Variants in ZWILCH observed in about 807,000 individuals in gnomAD.
ZWILCH encodes the protein zwilch kinetochore protein.
ZWILCH carries 74 observed loss-of-function variants against 79.9 expected under a neutral mutation model. That is an observed-to-expected ratio of 0.93 (90% confidence interval 0.77 to 1.12). ZWILCH has a LOEUF of 1.12. ZWILCH is among the 50% of genes most tolerant of loss of function. ZWILCH has a pLI of 0.00. For missense variants in ZWILCH, 694 were observed against 687.5 expected (o/e 1.01, Z -0.11); for synonymous variants, 241 against 228.2 (o/e 1.06, Z -0.51).
intron 7 of ZWILCH, among the ~76,000 whole-genome samples, chr15:66,522,285 A>C (rs922945962): frequency 1.3e-5 from 2 of 152,076 alleles, no homozygotes; most frequent in Non-Finnish European, 2.9e-5. Context: ...AATACTATAA[A>C]CAAAACTGGA....
chr15:66,506,913 G>A (rs142107227), intron 1 of ZWILCH, among the ~76,000 whole-genome samples: 1,945 of 150,968 alleles, frequency 0.013, 35 homozygotes, highest in African/African-American at 0.045. Flanking sequence ...CTGGAGTGCA[G>A]TGGTGCGATT....
At chr15:66,529,699 G>A (rs75519245) in intron 12 of ZWILCH, 126 bp downstream of exon 12, 13 of 669,086 alleles carry the variant, frequency 1.9e-5, no homozygotes, top group African/African-American at 1.1e-4. Context: ...TGTAAAGTTC[G>A]GCAGGTTCCT....
At chr15:66,528,182 C>T (rs576720372) in intron 10 of ZWILCH, among the ~76,000 whole-genome samples, 2 of 152,336 alleles carry the variant, frequency 1.3e-5, no homozygotes, top group South Asian at 4.1e-4. Context: ...TGGCTCACTG[C>T]AGCTTTGACC....
chr15:66,520,020 G>A (rs1276952693), intron 5 of ZWILCH, among the ~76,000 whole-genome samples: 1 of 152,062 alleles, frequency 6.6e-6, no homozygotes, highest in Non-Finnish European at 1.5e-5. Context: ...GTATTGCCCA[G>A]GCTGGTCTCA....
intron 2 of ZWILCH, among the ~76,000 whole-genome samples, chr15:66,511,252 G>C (rs755195173): frequency 6.6e-6 from 1 of 152,130 alleles, no homozygotes; most frequent in Non-Finnish European, 1.5e-5. Flanking sequence ...TTGGGAGGCT[G>C]GGGTGGGAGG....
chr15:66,522,442 G>A (rs925443362), intron 7 of ZWILCH, among the ~76,000 whole-genome samples: 1 of 149,828 alleles, frequency 6.7e-6, no homozygotes, highest in Non-Finnish European at 1.5e-5. Context: ...GGTTCAAGCA[G>A]TTCTCCTGCC....
intron 8 of ZWILCH, chr15:66,524,456 A>G (rs1426133222): frequency 6.6e-6 from 1 of 152,154 alleles, no homozygotes; most frequent in Non-Finnish European, 1.5e-5. Flanking sequence ...TCATCATACC[A>G]AGCTCCTTGC....
intron 17 of ZWILCH, among the ~76,000 whole-genome samples, chr15:66,546,296 C>T (rs890910675): frequency 2.0e-5 from 3 of 151,974 alleles, no homozygotes; most frequent in African/African-American, 7.3e-5. Flanking sequence ...AGTTGTGTAA[C>T]CCTAGTTAAT....
Position 66,532,268 on chromosome 15 carries a change from T to C in ZWILCH, c.1177T>C (p.Leu393=). 1 of 1,600,280 alleles carries C rather than the reference T, an allele frequency of 6.2e-7. No homozygotes were observed. ...QPWLHSGSNS[L]LSKLIHQSYH... is the part of the protein sequence containing the mutation. ...CTAGCTCCATAGTGGAAGTAACAGT[T>C]TACTAAGTAAGCTCATTCATCAGTC... is the stretch of plus-strand genomic sequence containing the variant. The change falls in exon 13 of 19, where the codon TTA becomes CTA. Residue 393 remains leucine, a synonymous_variant. Transcript: ENST00000307897.
chr15:66,519,788 C>G (rs906952998), intron 5 of ZWILCH, among the ~76,000 whole-genome samples: 1 of 152,040 alleles, frequency 6.6e-6, no homozygotes, highest in African/African-American at 2.4e-5. Flanking sequence ...CCAACTTCCA[C>G]TTTATTTTTT....
At position 66,517,455 on chromosome 15, in the gene ZWILCH, T is replaced by TATATATATATATATATATATAG. The variant is rs1180456312; in HGVS notation, c.321-1423_321-1422insTATATATATATATATATATAGA. Among the ~76,000 whole-genome samples the TATATATATATATATATATATAG allele has an allele frequency of 7.0e-3, 795 of 114,226 alleles. 14 individuals are homozygous for TATATATATATATATATATATAG. The highest frequency in any genetic ancestry group is 0.01 in the Non-Finnish European group (547 of 52,394). 74.9% of individuals were successfully genotyped at this position (114,226 alleles called of 152,430 possible). A position where few individuals can be genotyped will look rare whatever the true frequency, so the allele number is the denominator to read the frequency against. On this transcript the variant is annotated intron_variant, in intron 4 of 18. Transcript: ENST00000307897. ...GTATATATATATATATATATATATA[T>TATATATATATATATATATATAG]AGTAATGTACACACATACACCATTT...
At chr15:66,541,893 A>G (rs1895201822) in intron 17 of ZWILCH, among the ~76,000 whole-genome samples, 2 of 152,222 alleles carry the variant, frequency 1.3e-5, no homozygotes. Context: ...AAATTTTTCC[A>G]GAAAATGTTT....
Position 66,536,063 on chromosome 15 carries a change from T to G in ZWILCH, c.1472T>G (p.Leu491Ter). The G allele has an allele frequency of 1.2e-6, 2 of 1,605,614 alleles. No individual in the cohort carries two copies. Among genetic ancestry groups the G allele is most frequent in the Non-Finnish European group, 8.5e-7 (1 of 1,176,664 alleles). ...IKSQHELLFS[L>*]TQICIKYYKQ... ...TCTCAACATGAACTCCTCTTTTCTTTAACACAGTAAGTACATCTGTATTCT... is the reference window on the plus strand; with the variant it reads ...TCTCAACATGAACTCCTCTTTTCTTGAACACAGTAAGTACATCTGTATTCT... Residue 491 changes from leucine to a stop codon, truncating the protein, a stop_gained, in exon 15 of 19, where the codon TTA becomes TGA. Transcript: ENST00000307897. LOFTEE classifies it high-confidence loss of function.
intron 5 of ZWILCH, 171 bp from the exon 6 acceptor site, chr15:66,520,419 C>A (rs1241648084): frequency 5.3e-6 from 3 of 561,586 alleles, no homozygotes; most frequent in East Asian, 6.5e-5. Context: ...CCATACCCAG[C>A]CCACTTTCAT....
intron 16 of ZWILCH, among the ~76,000 whole-genome samples, chr15:66,538,204 C>T (rs28506017): frequency 0.21 from 31,718 of 152,026 alleles, 3,478 homozygotes; most frequent in East Asian, 0.37. Flanking sequence ...TATTTATGTC[C>T]TCCCTGTATT....
intron 8 of ZWILCH, among the ~76,000 whole-genome samples, chr15:66,525,828 C>T (rs1014927922): frequency 2.9e-4 from 37 of 125,820 alleles, no homozygotes; most frequent in African/African-American, 1.0e-3. Context: ...GTGGTGTAGT[C>T]TTGGCTCACT....
Position 66,541,563 on chromosome 15 carries a change from A to G in ZWILCH, c.1687+1353A>G, listed in dbSNP as rs144093267. On this transcript the variant is annotated intron_variant, in intron 17 of 18. Transcript: ENST00000307897. ...TCATAGTGTCTTCTCCATGGTTGAA[A>G]TAAGGGTTGAGATTGCTAGTATTCT... Among the ~76,000 whole-genome samples the G allele has an allele frequency of 1.2e-3, 183 of 152,258 alleles. 1 individual carries two copies. The highest frequency in any genetic ancestry group is 4.1e-3 in the African/African-American group (172 of 41,562).
In ZWILCH at chr15:66,519,217, C is replaced by G. The variant is rs1223202119; in HGVS notation, c.520+139C>G. The G allele has an allele frequency of 6.5e-6, 5 of 773,330 alleles. No homozygotes were observed. The Admixed American group carries it at 1.2e-4, about 19-fold the overall frequency. 47.9% of individuals were successfully genotyped at this position (773,330 alleles called of 1,614,324 possible). On this transcript the variant is annotated intron_variant, in intron 5 of 18. Coordinates refer to ENST00000307897, the MANE Select transcript of ZWILCH (RefSeq NM_017975.5). ...TTGCATTAATCACCATAAATCTACT[C>G]TGGTGTGTAACTTGCAGCATGTGGG...
rs771886892 is a variant in ZWILCH, at chr15:66,546,650, G to T, written c.1747G>T (p.Val583Phe). 1 of 1,608,256 alleles carries T rather than the reference G, an allele frequency of 6.2e-7. No homozygotes were observed. Among genetic ancestry groups the T allele is most frequent in the Non-Finnish European group, 8.5e-7 (1 of 1,177,312 alleles). The change falls in exon 18 of 19, where the codon GTT (valine) becomes TTT (phenylalanine). Residue 583 changes from valine (V) to phenylalanine (F), a missense_variant. Physicochemically the swap from Val to Phe is conservative, Grantham distance 50. Coordinates refer to ENST00000307897, the MANE Select transcript of ZWILCH (RefSeq NM_017975.5). ...LEERIFFTNMVTCSQVHFK is the reference protein window; with the variant it reads ...LEERIFFTNMFTCSQVHFK ...AGAAAGGATATTCTTTACTAACATG[G>T]TTACCTGCAGCCAGGTGCATTTCAA...
Sources: allele counts gnomAD v4.1 joint callset (sites outside exome capture counted in the v4.1 genomes callset), GRCh38; gene constraint gnomAD v4.1.1; transcripts MANE v1.5; gene names NCBI Gene and HGNC (gene_info 2026-07-23, HGNC 2026-07-21).